NCOA2: variants seen among roughly 807,000 people sequenced by gnomAD.
The protein encoded by NCOA2 is class E basic helix-loop-helix protein 75.
Under a neutral mutation model 145.1 loss-of-function variants are expected in NCOA2, and 21 were observed. The observed-to-expected ratio is 0.14, with a 90% confidence interval of 0.10 to 0.21. The LOEUF (loss-of-function observed/expected upper bound fraction) is 0.21, where lower values mean the gene tolerates loss of function less well. Ranked by LOEUF, NCOA2 falls within the 10% of genes least tolerant of loss-of-function variation. NCOA2 has a pLI of 1.00. For synonymous variants in NCOA2, 619 were observed against 637.5 expected (o/e 0.97, Z 0.44); for missense variants, 1,472 against 1,837.6 (o/e 0.80, Z 3.64).
intron 1 of NCOA2, among the ~76,000 whole-genome samples, chr8:70,389,901 G>A (rs775558307): frequency 2.0e-5 from 3 of 151,836 alleles, no homozygotes; most frequent in African/African-American, 4.8e-5. Flanking sequence ...CCTGACCTCA[G>A]GTGATCTGCC....
intron 4 of NCOA2, among the ~76,000 whole-genome samples, chr8:70,187,380 T>C (rs1183743548): frequency 6.6e-6 from 1 of 152,228 alleles, no homozygotes; most frequent in East Asian, 1.9e-4. Context: ...AAAATGGTAA[T>C]ATCCTCAGTA....
intron 2 of NCOA2, among the ~76,000 whole-genome samples, chr8:70,286,970 T>C (rs1021570593): frequency 2.0e-5 from 3 of 152,040 alleles, no homozygotes; most frequent in Admixed American, 2.0e-4. Context: ...TGGCCAGGTG[T>C]GGTGGCTCAT....
intron 1 of NCOA2, among the ~76,000 whole-genome samples, chr8:70,388,525 T>C (rs955271192): frequency 6.6e-6 from 1 of 152,236 alleles, no homozygotes; most frequent in Admixed American, 6.5e-5. Flanking sequence ...TTTATTCTAA[T>C]GTATATATTA....
At chr8:70,330,224 T>C (rs1806972540) in intron 1 of NCOA2, among the ~76,000 whole-genome samples, 1 of 151,558 alleles carries the variant, frequency 6.6e-6, no homozygotes, top group South Asian at 2.1e-4. Context: ...ATAATGATGA[T>C]GATGATGATG....
chr8:70,330,000 T>C (rs765289629), intron 1 of NCOA2, among the ~76,000 whole-genome samples: 19 of 152,146 alleles, frequency 1.2e-4, no homozygotes, highest in Non-Finnish European at 2.9e-5. Context: ...CCTGTTTTCA[T>C]CTGGGTAGTA....
chr8:70,159,242 A>ATATATGTATATATATTT, intron 10 of NCOA2, among the ~76,000 whole-genome samples: 1 of 61,076 alleles, frequency 1.6e-5, no homozygotes, highest in East Asian at 2.9e-4. Flanking sequence ...ATATATATAT[A>ATATATGTATATATATTT]TTTTTTTTTT....
chr8:70,169,183 A>T (rs577791257), intron 6 of NCOA2, among the ~76,000 whole-genome samples: 1 of 152,372 alleles, frequency 6.6e-6, no homozygotes, highest in South Asian at 2.1e-4. Flanking sequence ...TGGGAACAGC[A>T]GTACTCTAGA....
chr8:70,178,824 C>T (rs949219113), intron 4 of NCOA2, among the ~76,000 whole-genome samples: 4 of 152,210 alleles, frequency 2.6e-5, no homozygotes, highest in Non-Finnish European at 4.4e-5. Context: ...GTGTGGCTGG[C>T]ATCGGGCCAC....
intron 1 of NCOA2, among the ~76,000 whole-genome samples, chr8:70,306,254 T>C (rs1490339901): frequency 6.6e-6 from 1 of 152,152 alleles, no homozygotes; most frequent in Non-Finnish European, 1.5e-5. Context: ...GATTAGTACC[T>C]CTACTGATGA....
At chr8:70,328,385 A>T (rs1211337641) in intron 1 of NCOA2, among the ~76,000 whole-genome samples, 2 of 151,114 alleles carry the variant, frequency 1.3e-5, no homozygotes, top group Non-Finnish European at 2.9e-5. Flanking sequence ...TAAGTTTGTG[A>T]CATTCTTGGG....
In NCOA2 at chr8:70,139,644, C is replaced by CTTTT. The variant is rs911504754; in HGVS notation, c.3029-1316_3029-1313dup. On this transcript the variant is annotated intron_variant, in intron 14 of 22. Transcript: ENST00000452400. ...GTCTTGTCAAAACAACGCTGGCCAT[C>CTTTT]TTTTTTTTTTTTTTTTTTTTTTTTT... is the stretch of plus-strand genomic sequence containing the variant. 7.1e-4 allele frequency among the ~76,000 whole-genome samples: 65 copies of CTTTT among 91,862 alleles called. 2 individuals carry two copies. The highest frequency in any genetic ancestry group is 2.4e-3 in the African/African-American group (48 of 19,614). The allele number at this position is 91,862 out of a possible 152,430, so 60.3% of individuals were successfully genotyped here. A position where few individuals can be genotyped will look rare whatever the true frequency, so the allele number is the denominator to read the frequency against.
chr8:70,402,782 CG>C (rs1430785044), intron 1 of NCOA2, among the ~76,000 whole-genome samples: 1 of 151,684 alleles, frequency 6.6e-6, no homozygotes, highest in African/African-American at 2.4e-5. Flanking sequence ...CTCCCGCCCC[CG>C]GCCCCGGCCC....
In NCOA2 at chr8:70,157,140, A is replaced by C. The variant is rs1812388707; in HGVS notation, c.1225T>G (p.Cys409Gly). ...ATGTCCTGACCTGGGTTCCCACTGC[A>C]CAGGGCCTGATGGGCAGGGCTGTTA... ...SSNSPAHQAL[C>G]SGNPGQDMTL... The change falls in exon 11 of 23, where the codon TGC becomes GGC. Residue 409 changes from cysteine to glycine, a missense_variant. Physicochemically the swap from Cys to Gly is radical, Grantham distance 159. This residue lies in a region of NCOA2 where 953 missense variants were observed against 1,062.1 expected (regional missense o/e 0.90). Coordinates refer to ENST00000452400, the MANE Select transcript of NCOA2 (RefSeq NM_006540.4). 6.2e-7 allele frequency: 1 copy of C among 1,613,462 alleles called. No homozygotes were observed. Among genetic ancestry groups the C allele is most frequent in the Non-Finnish European group, 8.5e-7 (1 of 1,179,492 alleles).
intron 2 of NCOA2, among the ~76,000 whole-genome samples, chr8:70,219,706 T>C (rs1475562516): frequency 3.3e-5 from 5 of 152,176 alleles, no homozygotes; most frequent in Admixed American, 3.3e-4. Context: ...GGCAGACAGC[T>C]GCAGTCTTAG....
rs79267339 is a variant in NCOA2, at chr8:70,334,069, C to T, written c.-76-37269G>A. Among the ~76,000 whole-genome samples the T allele has an allele frequency of 1.2e-4, 19 of 152,284 alleles. No individual in the cohort carries two copies. In the East Asian group the frequency reaches 3.7e-3, roughly 29 times the overall value. On this transcript the variant is annotated intron_variant, in intron 1 of 22. Coordinates refer to ENST00000452400, the MANE Select transcript of NCOA2 (RefSeq NM_006540.4). ...ATACAATTCACTCTACATACTGCTACCTACCTGATAAAACTCTGCTCAGAA... is the reference window on the plus strand; with the variant it reads ...ATACAATTCACTCTACATACTGCTATCTACCTGATAAAACTCTGCTCAGAA...
At chr8:70,412,021 T>A in the NCOA2 span, among the ~76,000 whole-genome samples, 1 of 152,220 alleles carries the variant, frequency 6.6e-6, no homozygotes, top group Admixed American at 6.5e-5. Context: ...TTGTTTGCAT[T>A]TACTGAATCT....
chr8:70,432,169 A>T, the NCOA2 span, among the ~76,000 whole-genome samples: 1 of 152,140 alleles, frequency 6.6e-6, no homozygotes, highest in Non-Finnish European at 1.5e-5. Context: ...GTCCATCTTC[A>T]TTACTGGTTT....
intron 2 of NCOA2, among the ~76,000 whole-genome samples, chr8:70,250,023 T>C (rs1823002330): frequency 6.8e-6 from 1 of 146,012 alleles, no homozygotes; most frequent in Non-Finnish European, 1.5e-5. Flanking sequence ...ATGATGAGAG[T>C]TAAACTGGGT....
intron 1 of NCOA2, among the ~76,000 whole-genome samples, chr8:70,309,939 C>T (rs1828180510): frequency 6.6e-6 from 1 of 151,736 alleles, no homozygotes; most frequent in Non-Finnish European, 1.5e-5. Flanking sequence ...GGAGACAGAG[C>T]AAGACCCTGT....
Sources: allele counts gnomAD v4.1 joint callset (sites outside exome capture counted in the v4.1 genomes callset), GRCh38; gene constraint gnomAD v4.1.1; regional missense constraint gnomAD v4.1.1; transcripts MANE v1.5; gene names NCBI Gene and HGNC (gene_info 2026-07-23, HGNC 2026-07-21).